Variants in MDFIC observed in about 807,000 individuals in gnomAD.
MDFIC encodes the protein myoD family inhibitor domain-containing protein.
MDFIC carries 17 observed loss-of-function variants against 23.2 expected under a neutral mutation model. That is an observed-to-expected ratio of 0.73 (90% CI 0.50 to 1.10). The LOEUF is 1.10. MDFIC is among the 50% of genes least tolerant of loss of function. MDFIC has a pLI of 0.00. For missense variants in MDFIC, 356 were observed against 316.6 expected, an observed-to-expected ratio of 1.12 and a Z score of -0.95; for synonymous variants, 120 against 115.2, an observed-to-expected ratio of 1.04 and a Z score of -0.27.
rs547670726 is a variant in MDFIC, at chr7:114,979,975, G to A, written c.493+194G>A. 1,725 of 679,952 alleles carry A rather than the reference G, an allele frequency of 2.5e-3. 7 individuals are homozygous for A. Among genetic ancestry groups the A allele is most frequent in the Non-Finnish European group, 2.7e-3 (1,063 of 386,904 alleles). 42.1% of individuals were successfully genotyped at this position (679,952 alleles called of 1,614,324 possible). ...AGGAAGCAGTGGCAGCTGACATCCT[G>A]CTTTTAGATAATCGTCTTCTAGAGT... On this transcript the variant is annotated intron_variant, in intron 4 of 4. Coordinates refer to ENST00000393486, the MANE Select transcript of MDFIC (RefSeq NM_001166345.3).
rs577971070 is a variant in MDFIC, at chr7:115,015,537, C to T, written c.494-151C>T. ...ACTCATCTAGAGTTTAACTTAAGCT[C>T]CTTTTTGAGCTTCCAGCTCACAAAG... On this transcript the variant is annotated intron_variant, in intron 4 of 4. Transcript: ENST00000393486. 4.3e-5 allele frequency: 44 copies of T among 1,022,424 alleles called. No individual in the cohort carries two copies. In the African/African-American group the frequency reaches 6.8e-4, roughly 16 times the overall value. 63.3% of individuals were successfully genotyped at this position (1,022,424 alleles called of 1,614,324 possible).
At chr7:114,966,327 G>A (rs1308611271) in intron 3 of MDFIC, among the ~76,000 whole-genome samples, 1 of 150,800 alleles carries the variant, frequency 6.6e-6, no homozygotes, top group African/African-American at 2.4e-5. Context: ...CTGAAATTGT[G>A]AGCCTGTTGT....
Position 115,015,820 on chromosome 7 carries a change from G to A in MDFIC, c.626G>A (p.Gly209Glu), listed in dbSNP as rs1367662043. The stretch of plus-strand genomic sequence containing the variant: ...TGCTGTTGCTGTGGTGACGAGATGG[G>A]GGATGATTGTAACTGCCCTTGTGAT... ...ACCCCCGDEM[G>E]DDCNCPCDMD... Residue 209 changes from glycine to glutamate, a missense_variant, in exon 5 of 5, where the codon GGG becomes GAG. Transcript: ENST00000393486. 3 of 1,614,138 alleles carry A rather than the reference G, an allele frequency of 1.9e-6. No homozygotes were observed. In the South Asian group the frequency reaches 3.3e-5, roughly 18 times the overall value.
rs577181832 is a variant in MDFIC, at chr7:114,987,845, G to C, written c.493+8064G>C. 2.5e-4 allele frequency among the ~76,000 whole-genome samples: 38 copies of C among 152,180 alleles called. No homozygotes were observed. In the East Asian group the frequency reaches 6.4e-3, roughly 26 times the overall value. The stretch of plus-strand genomic sequence containing the variant: ...TATCCATCAGAAGTATTTATAAATA[G>C]TAAGTGTTTCTGTAGGGCCAAAAGT... On this transcript the variant is annotated intron_variant, in intron 4 of 4. Coordinates refer to ENST00000393486, the MANE Select transcript of MDFIC (RefSeq NM_001166345.3).
intron 4 of MDFIC, among the ~76,000 whole-genome samples, chr7:114,994,304 A>G (rs1190880740): frequency 6.6e-6 from 1 of 150,624 alleles, no homozygotes; most frequent in Non-Finnish European, 1.5e-5. Context: ...TCTTTATCCA[A>G]TTTGCCAGTC....
intron 4 of MDFIC, among the ~76,000 whole-genome samples, chr7:114,980,662 T>TGGATG (rs1793402357): frequency 6.6e-6 from 1 of 152,232 alleles, no homozygotes; most frequent in Non-Finnish European, 1.5e-5. Context: ...TAGCAGTTAT[T>TGGATG]GGATGTCTAA....
intron 4 of MDFIC, among the ~76,000 whole-genome samples, chr7:114,991,453 G>T (rs1345065184): frequency 6.6e-6 from 1 of 152,134 alleles, no homozygotes; most frequent in African/African-American, 2.4e-5. Context: ...GTATTTCCTA[G>T]GTTTTCTTCT....
At chr7:115,013,986 A>G in intron 4 of MDFIC, 2 of 985,336 alleles carry the variant, frequency 2.0e-6, no homozygotes, top group Non-Finnish European at 1.2e-6. Context: ...CAGTCGCTGC[A>G]TGGACCATCA....
intron 2 of MDFIC, among the ~76,000 whole-genome samples, chr7:114,932,039 A>T (rs1490942242): frequency 1.3e-5 from 2 of 152,216 alleles, no homozygotes; most frequent in East Asian, 3.9e-4. Context: ...CATAGTTCTT[A>T]TTTCTTTCAT....
intron 3 of MDFIC, among the ~76,000 whole-genome samples, chr7:114,942,653 G>A (rs560707914): frequency 2.6e-5 from 4 of 152,152 alleles, no homozygotes; most frequent in African/African-American, 4.8e-5. Flanking sequence ...TCAAAATTCA[G>A]TTCCTTTTTG....
intron 4 of MDFIC, chr7:115,013,897 G>A (rs1371877402): frequency 1.4e-6 from 1 of 719,074 alleles, no homozygotes; most frequent in East Asian, 1.3e-4. Flanking sequence ...GAAATGATTG[G>A]TTACTACCAG....
intron 4 of MDFIC, among the ~76,000 whole-genome samples, chr7:114,994,679 C>T (rs183121908): frequency 6.6e-6 from 1 of 152,282 alleles, no homozygotes; most frequent in Admixed American, 6.5e-5. Context: ...ACATTGCCCC[C>T]CACTCTCTTC....
chr7:114,922,275 T>G lies in MDFIC; in HGVS notation c.-469T>G. The stretch of plus-strand genomic sequence containing the variant: ...AGCCAAGAGTTCGAGGCCTTCCCGA[T>G]CCGGATGTGATGAAAAAGAGCAACA... On this transcript the variant is annotated 5_prime_UTR_variant, in exon 1 of 5. Transcript: ENST00000393486. 4 of 778,796 alleles carry G rather than the reference T, an allele frequency of 5.1e-6. No individual in the cohort carries two copies. Among genetic ancestry groups the G allele is most frequent in the Non-Finnish European group, 5.2e-6 (3 of 575,522 alleles). 48.2% of individuals were successfully genotyped at this position (778,796 alleles called of 1,614,324 possible). A position where few individuals can be genotyped will look rare whatever the true frequency, so the allele number is the denominator to read the frequency against.
intron 4 of MDFIC, among the ~76,000 whole-genome samples, chr7:114,984,007 A>G (rs1431675532): frequency 6.6e-6 from 1 of 152,184 alleles, no homozygotes; most frequent in Non-Finnish European, 1.5e-5. Context: ...AAAGGAAGCA[A>G]CCAAAGGCAA....
At chr7:115,010,408 G>A (rs757885125) in intron 4 of MDFIC, among the ~76,000 whole-genome samples, 3 of 152,024 alleles carry the variant, frequency 2.0e-5, no homozygotes, top group Non-Finnish European at 4.4e-5. Context: ...TTTTGACAAG[G>A]AATAACAATC....
Position 115,002,876 on chromosome 7 carries a change from A to G in MDFIC, c.494-12812A>G, listed in dbSNP as rs183652893. Among the ~76,000 whole-genome samples, 663 of 152,260 alleles carry G rather than the reference A, an allele frequency of 4.4e-3. 4 individuals carry two copies. Among genetic ancestry groups the G allele is most frequent in the African/African-American group, 0.015 (639 of 41,554 alleles). ...ATGTCAGTCTTTTCTGTCTAAAAAT[A>G]TATGTGTAGTGAGTGTGTGTAGGTG... On this transcript the variant is annotated intron_variant, in intron 4 of 4. Transcript: ENST00000393486.
At chr7:115,008,356 A>T (rs1791613826) in intron 4 of MDFIC, among the ~76,000 whole-genome samples, 2 of 151,474 alleles carry the variant, frequency 1.3e-5, no homozygotes, top group Admixed American at 1.3e-4. Context: ...AATAGTAAAG[A>T]TTATTGTTCA....
chr7:114,942,454 T>G (rs1288590561), intron 3 of MDFIC, 57 bp downstream of exon 3: 1 of 1,327,806 alleles, frequency 7.5e-7, no homozygotes, highest in East Asian at 2.6e-5. Flanking sequence ...TGGTAATATA[T>G]TCTTCGTTAA....
intron 4 of MDFIC, 29 bp from the exon 5 acceptor site, chr7:115,015,659 A>G (rs1164944683): frequency 1.2e-6 from 2 of 1,608,288 alleles, no homozygotes; most frequent in African/African-American, 2.7e-5. Context: ...TTTTCTCACT[A>G]TATGGTCTCC....
Sources: allele counts gnomAD v4.1 joint callset (sites outside exome capture counted in the v4.1 genomes callset), GRCh38; gene constraint gnomAD v4.1.1; transcripts MANE v1.5; gene names NCBI Gene and HGNC (gene_info 2026-07-23, HGNC 2026-07-21).